The following PRKN variants were observed in gnomAD, a reference collection of about 807,000 sequenced individuals.
PRKN encodes the protein parkin RBR E3 ubiquitin protein ligase.
In PRKN, 56 loss-of-function variants were observed where a neutral mutation model predicts 59.5. The observed-to-expected ratio is 0.94, with a 90% CI of 0.76 to 1.18. PRKN has a LOEUF of 1.18. Ranked by LOEUF, PRKN falls within the 50% of genes most tolerant of loss-of-function variation. The probability of loss-of-function intolerance (pLI) is 0.00; values close to 1 mark genes in which losing one functional copy is unlikely to be tolerated. For synonymous variants in PRKN, 250 were observed against 222.1 expected, an observed-to-expected ratio of 1.13 and a Z score of -1.12; for missense variants, 657 against 596.4, an observed-to-expected ratio of 1.10 and a Z score of -1.06.
intron 2 of PRKN, among the ~76,000 whole-genome samples, chr6:162,297,196 A>G (rs1781721212): frequency 7.1e-6 from 1 of 140,554 alleles, no homozygotes; most frequent in African/African-American, 2.7e-5. Flanking sequence ...TTTTGTAAGC[A>G]TCTTAGTTTC....
At chr6:161,952,510 T>C (rs1780027341) in intron 6 of PRKN, among the ~76,000 whole-genome samples, 1 of 152,044 alleles carries the variant, frequency 6.6e-6, no homozygotes, top group African/African-American at 2.4e-5. Context: ...TTTCAGCCAG[T>C]TGGGAGGCTG....
chr6:161,506,599 A>T (rs994158261), intron 9 of PRKN, among the ~76,000 whole-genome samples: 1 of 152,214 alleles, frequency 6.6e-6, no homozygotes, highest in Non-Finnish European at 1.5e-5. Flanking sequence ...TGGGCTGGTC[A>T]AAAAGGGTCA....
chr6:161,614,041 C>G (rs1782597542), intron 7 of PRKN, among the ~76,000 whole-genome samples: 1 of 152,144 alleles, frequency 6.6e-6, no homozygotes, highest in African/African-American at 2.4e-5. Flanking sequence ...TTGCTGTCTA[C>G]CTGGAGGCAC....
chr6:161,386,761 C>T lies in PRKN; in HGVS notation c.1167+33G>A. On this transcript the variant is annotated intron_variant, in intron 10 of 11. Transcript: ENST00000366898. This position sits in a 1 kb window ranked among gnomAD's most constrained non-coding sequence, Gnocchi z 4.3. ...TCCAGTCCCCCACTGTATCCGGAGC[C>T]CTGCTTGGAGGAATGAGTAGGGCAT... is the stretch of plus-strand genomic sequence containing the variant. 1 of 1,520,846 alleles carries T rather than the reference C, an allele frequency of 6.6e-7. No homozygotes were observed. The highest frequency in any genetic ancestry group is 9.1e-7 in the Non-Finnish European group (1 of 1,095,146). The allele number at this position is 1,520,846 out of a possible 1,614,324, so 94.2% of individuals were successfully genotyped here.
At chr6:162,454,549 C>G (rs1790773652) in intron 1 of PRKN, among the ~76,000 whole-genome samples, 1 of 152,122 alleles carries the variant, frequency 6.6e-6, no homozygotes, top group African/African-American at 2.4e-5. Flanking sequence ...AGGAAAGAAG[C>G]AGGAAAAAGA....
chr6:161,496,123 T>C (rs890883291), intron 9 of PRKN, among the ~76,000 whole-genome samples: 33 of 152,262 alleles, frequency 2.2e-4, no homozygotes, highest in African/African-American at 7.5e-4. Context: ...AGTGATGTGC[T>C]CTTGCCCTTC....
chr6:162,667,664 C>T (rs2128229525), intron 1 of PRKN, among the ~76,000 whole-genome samples: 1 of 152,108 alleles, frequency 6.6e-6, no homozygotes, highest in Admixed American at 6.5e-5. Context: ...TTCCCTCTTT[C>T]TCACTTTTCT....
At chr6:162,194,599 T>A (rs573064820) in intron 4 of PRKN, among the ~76,000 whole-genome samples, 30 of 152,292 alleles carry the variant, frequency 2.0e-4, no homozygotes, top group African/African-American at 5.5e-4. Context: ...ATATATTGTA[T>A]ACAGTATGCA....
intron 4 of PRKN, among the ~76,000 whole-genome samples, chr6:162,114,880 C>T (rs1035919246): frequency 6.6e-6 from 1 of 152,054 alleles, no homozygotes; most frequent in Non-Finnish European, 1.5e-5. Flanking sequence ...AATAGGAACA[C>T]TTTTACACTG....
At chr6:162,076,272 G>A (rs1778823759) in intron 4 of PRKN, among the ~76,000 whole-genome samples, 1 of 152,070 alleles carries the variant, frequency 6.6e-6, no homozygotes, top group Non-Finnish European at 1.5e-5. Context: ...GCCCAGCCAA[G>A]GAAGGCCTTC....
intron 9 of PRKN, among the ~76,000 whole-genome samples, chr6:161,509,227 C>T (rs1013746924): frequency 9.2e-5 from 14 of 151,460 alleles, no homozygotes; most frequent in Admixed American, 7.9e-4. Context: ...ATTAGAAGAG[C>T]ACCAGAAAAC....
intron 1 of PRKN, among the ~76,000 whole-genome samples, chr6:162,456,532 T>A (rs1583602808): frequency 6.6e-6 from 1 of 152,316 alleles, no homozygotes; most frequent in Middle Eastern, 3.4e-3. Flanking sequence ...TGCAAAGATA[T>A]ATTTTGAGAT....
intron 1 of PRKN, among the ~76,000 whole-genome samples, chr6:162,465,754 T>C (rs1208526424): frequency 1.3e-5 from 2 of 152,182 alleles, no homozygotes; most frequent in Admixed American, 1.3e-4. Flanking sequence ...AGAAAATATA[T>C]TATATGATAA....
chr6:161,437,896 C>T (rs769843650), intron 9 of PRKN, among the ~76,000 whole-genome samples: 7 of 152,118 alleles, frequency 4.6e-5, no homozygotes, highest in Admixed American at 6.5e-5. Flanking sequence ...AATAGGAACA[C>T]TAGTATATCT....
At chr6:161,754,664 T>C (rs773084417) in intron 7 of PRKN, among the ~76,000 whole-genome samples, 12 of 152,074 alleles carry the variant, frequency 7.9e-5, no homozygotes, top group Non-Finnish European at 1.6e-4. Context: ...TCACATCCCT[T>C]TTCTTCCCTC....
chr6:161,581,664 TG>T lies in PRKN; in HGVS notation c.872-12249del, dbSNP rs1248105978. On this transcript the variant is annotated intron_variant, in intron 7 of 11. Coordinates refer to ENST00000366898, the MANE Select transcript of PRKN (RefSeq NM_004562.3). This position sits in a 1 kb window ranked among gnomAD's most constrained non-coding sequence, Gnocchi z 4.5. ...GAGACAGGAAATAGAATGGAAGAAA[TG>T]AAGGAAAAATGGAATCGCTGGCCTG... Among the ~76,000 whole-genome samples, 1 of 151,964 alleles carries T rather than the reference TG, an allele frequency of 6.6e-6. No individual in the cohort carries two copies. Among genetic ancestry groups the T allele is most frequent in the Admixed American group, 6.6e-5 (1 of 15,252 alleles).
At chr6:162,126,706 T>G (rs1435520119) in intron 4 of PRKN, among the ~76,000 whole-genome samples, 1 of 152,202 alleles carries the variant, frequency 6.6e-6, no homozygotes, top group Admixed American at 6.5e-5. Context: ...CCACCTTGAG[T>G]TAAAATTAGA....
intron 1 of PRKN, among the ~76,000 whole-genome samples, chr6:162,547,920 C>G (rs1170325500): frequency 1.3e-5 from 2 of 151,172 alleles, no homozygotes; most frequent in African/African-American, 2.4e-5. Context: ...TAAGAAGTTG[C>G]CTTGAACCTC....
rs142359837 is a variant in PRKN at position 162,403,631 on chromosome 6, T to C, written c.171+39679A>G. Among the ~76,000 whole-genome samples the C allele has an allele frequency of 6.1e-3, 927 of 152,110 alleles. 12 individuals are homozygous for C. The highest frequency in any genetic ancestry group is 0.021 in the African/African-American group (858 of 41,520). On this transcript the variant is annotated intron_variant, in intron 2 of 11. Coordinates refer to ENST00000366898, the MANE Select transcript of PRKN (RefSeq NM_004562.3). The stretch of plus-strand genomic sequence containing the variant: ...CACAGCCTGACACAGGTGTCAGAAA[T>C]AGTTACTGAATCCCTGGAATCATCA...
Sources: gnomAD v4.1 joint callset for allele counts (sites outside exome capture counted in the v4.1 genomes callset) on GRCh38, gnomAD v4.1.1 for gene constraint, Gnocchi (gnomAD v3.1) non-coding constraint, MANE v1.5 for transcripts, NCBI Gene and HGNC (gene_info 2026-07-23, HGNC 2026-07-21) for gene names.